Variants in GPR158 observed in about 807,000 individuals in gnomAD.
GPR158 encodes metabotropic glycine receptor.
GPR158 carries 30 observed loss-of-function variants against 78.2 expected under a neutral mutation model. The observed-to-expected ratio is 0.38, with a 90% CI of 0.29 to 0.52. GPR158 has a LOEUF of 0.52. GPR158 is among the 20% of genes least tolerant of loss of function. GPR158 has a pLI of 0.83. For synonymous variants in GPR158, 581 were observed against 591.1 expected, an observed-to-expected ratio of 0.98 and a Z score of 0.25; for missense variants, 1,463 against 1,523.5, an observed-to-expected ratio of 0.96 and a Z score of 0.66.
At chr10:25,382,662 G>A (rs1022398266) in intron 2 of GPR158, among the ~76,000 whole-genome samples, 2 of 152,008 alleles carry the variant, frequency 1.3e-5, no homozygotes, top group African/African-American at 2.4e-5. Flanking sequence ...TTACCAGGAG[G>A]CCTTTTAGAT....
chr10:25,526,917 CTGTACAA>C (rs991865057), intron 5 of GPR158, among the ~76,000 whole-genome samples: 2 of 152,098 alleles, frequency 1.3e-5, no homozygotes, highest in African/African-American at 4.8e-5. Context: ...CAGCTATATG[CTGTACAA>C]TGTATAGATA....
intron 1 of GPR158, among the ~76,000 whole-genome samples, chr10:25,190,783 A>C (rs1286873156): frequency 6.6e-6 from 1 of 152,246 alleles, no homozygotes; most frequent in Non-Finnish European, 1.5e-5. Context: ...TTTAAGCTTC[A>C]TGGTGCAAAT....
intron 6 of GPR158, among the ~76,000 whole-genome samples, chr10:25,564,420 ATTGT>A (rs1159980649): frequency 2.4e-4 from 36 of 152,196 alleles, no homozygotes; most frequent in African/African-American, 8.7e-4. Flanking sequence ...TGTTTAGTCG[ATTGT>A]TTGTCTTAAC....
intron 4 of GPR158, among the ~76,000 whole-genome samples, chr10:25,465,957 G>A (rs115402151): frequency 0.019 from 2,832 of 152,256 alleles, 94 homozygotes; most frequent in African/African-American, 0.065. Context: ...GCTGCAAGCT[G>A]AGGGCTTGAA....
At chr10:25,245,320 C>T (rs754086387) in intron 2 of GPR158, among the ~76,000 whole-genome samples, 9 of 152,164 alleles carry the variant, frequency 5.9e-5, no homozygotes, top group Non-Finnish European at 1.0e-4. Flanking sequence ...GCCATGTCTT[C>T]TGTCAGTAAA....
chr10:25,248,138 C>A (rs1439476644), intron 2 of GPR158, among the ~76,000 whole-genome samples: 2 of 151,854 alleles, frequency 1.3e-5, no homozygotes, highest in Non-Finnish European at 2.9e-5. Flanking sequence ...CTGTTCATAT[C>A]CTTCGCCCAC....
chr10:25,414,160 GT>G (rs1370190431), intron 4 of GPR158, among the ~76,000 whole-genome samples: 1 of 152,110 alleles, frequency 6.6e-6, no homozygotes, highest in African/African-American at 2.4e-5. Flanking sequence ...AAATGAGTTG[GT>G]AATACATGGT....
At chr10:25,344,430 A>AGAGTAG (rs1325946300) in intron 2 of GPR158, among the ~76,000 whole-genome samples, 9 of 151,900 alleles carry the variant, frequency 5.9e-5, no homozygotes, top group East Asian at 3.9e-4. Context: ...CTCTCTTAGC[A>AGAGTAG]ATGTTCAAGT....
At chr10:25,296,667 C>T (rs529233808) in intron 2 of GPR158, among the ~76,000 whole-genome samples, 24 of 151,652 alleles carry the variant, frequency 1.6e-4, no homozygotes, top group Non-Finnish European at 3.1e-4. Flanking sequence ...GTGTTTACAA[C>T]ATGCCAGATG....
chr10:25,439,335 C>CA (rs1297179933), intron 4 of GPR158, among the ~76,000 whole-genome samples: 1 of 152,158 alleles, frequency 6.6e-6, no homozygotes, highest in East Asian at 1.9e-4. Flanking sequence ...TATTCACTAC[C>CA]ATGAGAACAG....
intron 5 of GPR158, among the ~76,000 whole-genome samples, chr10:25,512,010 A>T (rs546757108): frequency 6.6e-6 from 1 of 152,164 alleles, no homozygotes; most frequent in Non-Finnish European, 1.5e-5. Context: ...TGCTTTGGTT[A>T]TGCGGGCTCT....
At chr10:25,251,529 C>T (rs1222170088) in intron 2 of GPR158, among the ~76,000 whole-genome samples, 1 of 151,442 alleles carries the variant, frequency 6.6e-6, no homozygotes, top group Non-Finnish European at 1.5e-5. Context: ...AATCTCTCAG[C>T]ATTTGCTTGT....
chr10:25,550,471 T>C (rs570240814), intron 5 of GPR158, among the ~76,000 whole-genome samples: 223 of 152,066 alleles, frequency 1.5e-3, no homozygotes, highest in African/African-American at 5.3e-3. Flanking sequence ...AGTGTGGAGG[T>C]GGGAACAATC....
chr10:25,530,400 A>G (rs527986594), intron 5 of GPR158, among the ~76,000 whole-genome samples: 1 of 152,164 alleles, frequency 6.6e-6, no homozygotes, highest in Non-Finnish European at 1.5e-5. Context: ...ACCTGTAGCG[A>G]TAAAATATTA....
At chr10:25,249,567 A>T (rs1371378215) in intron 2 of GPR158, among the ~76,000 whole-genome samples, 4 of 151,978 alleles carry the variant, frequency 2.6e-5, no homozygotes, top group Non-Finnish European at 5.9e-5. Flanking sequence ...CTATTGAGAT[A>T]ATCATGTGGA....
intron 5 of GPR158, among the ~76,000 whole-genome samples, chr10:25,507,083 A>T (rs977450120): frequency 6.6e-6 from 1 of 152,214 alleles, no homozygotes; most frequent in Non-Finnish European, 1.5e-5. Flanking sequence ...TCTGGTCAGC[A>T]TGCTGGTTGT....
At chr10:25,525,100 T>TA (rs1227471765) in intron 5 of GPR158, among the ~76,000 whole-genome samples, 1 of 152,104 alleles carries the variant, frequency 6.6e-6, no homozygotes, top group African/African-American at 2.4e-5. Context: ...ATGGCTGTAA[T>TA]AAAAAAGATA....
At chr10:25,215,402 C>T (rs1011683280) in intron 1 of GPR158, among the ~76,000 whole-genome samples, 3 of 152,174 alleles carry the variant, frequency 2.0e-5, no homozygotes, top group Non-Finnish European at 4.4e-5. Context: ...TTAAAGGGAA[C>T]AGAGTTTCAG....
chr10:25,339,733 G>A (rs563954527), intron 2 of GPR158, among the ~76,000 whole-genome samples: 1 of 151,860 alleles, frequency 6.6e-6, no homozygotes, highest in Non-Finnish European at 1.5e-5. Flanking sequence ...TATCAAATGC[G>A]TTTTCTATAT....
Sources: allele counts gnomAD v4.1 joint callset (sites outside exome capture counted in the v4.1 genomes callset), GRCh38; gene constraint gnomAD v4.1.1; transcripts MANE v1.5; gene names NCBI Gene and HGNC (gene_info 2026-07-23, HGNC 2026-07-21).